The following FMN1 variants were observed in gnomAD, a reference collection of about 807,000 sequenced individuals.
The protein encoded by FMN1 is formin-1.
In FMN1, 110 loss-of-function variants were observed where a neutral mutation model predicts 132.4. That is an observed-to-expected ratio of 0.83 (90% CI 0.71 to 0.97). FMN1 has a LOEUF of 0.97. Ranked by LOEUF, FMN1 falls within the 50% of genes least tolerant of loss-of-function variation. FMN1 has a pLI of 0.00. For synonymous variants in FMN1, 722 were observed against 651.7 expected (o/e 1.11, Z -1.64); for missense variants, 1,792 against 1,705.3 (o/e 1.05, Z -0.90).
chr15:33,128,752 A>T lies in FMN1; in HGVS notation c.1867+24296T>A, dbSNP rs551471056. ...TCTTAAAGGTGATGTGGTGAATTTTAAAGCCCTTAAAAGTGGTATGGACCC... is the reference window on the plus strand; with the variant it reads ...TCTTAAAGGTGATGTGGTGAATTTTTAAGCCCTTAAAAGTGGTATGGACCC... On this transcript the variant is annotated intron_variant, in intron 4 of 20. Transcript: ENST00000616417. Among the ~76,000 whole-genome samples the T allele has an allele frequency of 1.2e-4, 19 of 152,356 alleles. No homozygotes were observed. In the East Asian group the frequency reaches 3.5e-3, roughly 28 times the overall value.
intron 7 of FMN1, among the ~76,000 whole-genome samples, chr15:32,969,781 AAC>A (rs2031624865): frequency 2.0e-5 from 3 of 152,220 alleles, no homozygotes; most frequent in Admixed American, 1.3e-4. Flanking sequence ...TTGCATATCA[AAC>A]ACAAAACTTT....
intron 4 of FMN1, among the ~76,000 whole-genome samples, chr15:33,142,625 G>A (rs1327828131): frequency 6.6e-6 from 1 of 152,134 alleles, no homozygotes; most frequent in African/African-American, 2.4e-5. Context: ...AATTTTTTCA[G>A]CATATTAATA....
intron 12 of FMN1, among the ~76,000 whole-genome samples, chr15:32,906,445 T>C (rs1289258298): frequency 6.6e-6 from 1 of 152,268 alleles, no homozygotes; most frequent in Non-Finnish European, 1.5e-5. Context: ...ATACTGCCTG[T>C]GGTTGCTTTG....
chr15:33,171,669 G>A (rs114864365), intron 3 of FMN1, among the ~76,000 whole-genome samples: 3,329 of 152,100 alleles, frequency 0.022, 134 homozygotes, highest in African/African-American at 0.076. Context: ...AATGTTGGGA[G>A]GTAGGATACA....
chr15:33,149,638 C>T (rs1964366430), intron 4 of FMN1: 1 of 249,460 alleles, frequency 4.0e-6, no homozygotes, highest in Non-Finnish European at 6.3e-6. Context: ...CAACTTAATT[C>T]CTGTATTTGT....
intron 4 of FMN1, among the ~76,000 whole-genome samples, chr15:33,112,075 T>C (rs1268700021): frequency 6.6e-6 from 1 of 152,180 alleles, no homozygotes; most frequent in Non-Finnish European, 1.5e-5. Context: ...TTTTTACAAT[T>C]TCATGTCTAT....
chr15:33,121,510 AT>A (rs1368598420), intron 4 of FMN1, among the ~76,000 whole-genome samples: 4 of 152,120 alleles, frequency 2.6e-5, no homozygotes, highest in African/African-American at 9.7e-5. Context: ...AGTAAAGTAC[AT>A]AGTTGACAAG....
intron 4 of FMN1, among the ~76,000 whole-genome samples, chr15:33,089,384 C>G (rs2038824058): frequency 6.6e-6 from 1 of 152,216 alleles, no homozygotes; most frequent in Non-Finnish European, 1.5e-5. Flanking sequence ...GGAACTGTGC[C>G]TTGTTCATCT....
rs1292679158 is a variant in FMN1 at position 32,882,351 on chromosome 15, T to C, written c.3835+5821A>G. On this transcript the variant is annotated intron_variant, in intron 16 of 20. Coordinates refer to ENST00000616417, the MANE Select transcript of FMN1 (RefSeq NM_001277313.2). ...CACTTCCTTACTGTAACAACACAGG[T>C]AATAACACTTACTTTGAAGGAGTTT... is the stretch of plus-strand genomic sequence containing the variant. Among the ~76,000 whole-genome samples the C allele has an allele frequency of 2.6e-5, 4 of 152,204 alleles. No homozygotes were observed. In the East Asian group the frequency reaches 7.7e-4, roughly 29 times the overall value.
intron 6 of FMN1, among the ~76,000 whole-genome samples, chr15:33,017,630 C>CA (rs2140995406): frequency 6.6e-6 from 1 of 152,304 alleles, no homozygotes; most frequent in South Asian, 2.1e-4. Flanking sequence ...TTGTAACTGT[C>CA]AACCTTTCCT....
At chr15:32,936,688 A>G (rs2061280280) in intron 9 of FMN1, among the ~76,000 whole-genome samples, 1 of 151,934 alleles carries the variant, frequency 6.6e-6, no homozygotes, top group Non-Finnish European at 1.5e-5. Flanking sequence ...AGAAAGAAGG[A>G]AGGAAGGAGA....
rs935197486 is a variant in FMN1 at position 33,188,105 on chromosome 15, C to A, written c.-197+5804G>T. Among the ~76,000 whole-genome samples, 3 of 151,864 alleles carry A rather than the reference C, an allele frequency of 2.0e-5. No individual in the cohort carries two copies. In the East Asian group the frequency reaches 5.8e-4, roughly 29 times the overall value. On this transcript the variant is annotated intron_variant, in intron 2 of 20. Transcript: ENST00000616417. ...ATCCCAGCACTTTGGGAGGCCGAGGCGGGCAGATCACAAGGTCAGGAGTTC... is the reference window on the plus strand; with the variant it reads ...ATCCCAGCACTTTGGGAGGCCGAGGAGGGCAGATCACAAGGTCAGGAGTTC...
At chr15:32,776,752 T>C in intron 20 of FMN1, 83 bp downstream of exon 20, 4 of 755,914 alleles carry the variant, frequency 5.3e-6, no homozygotes, top group Non-Finnish European at 4.5e-6. Flanking sequence ...GGATACTATG[T>C]TTCATCTCTG....
intron 4 of FMN1, among the ~76,000 whole-genome samples, chr15:33,110,630 A>G (rs1157166220): frequency 6.6e-6 from 1 of 151,836 alleles, no homozygotes; most frequent in Non-Finnish European, 1.5e-5. Context: ...CGCCCCTCAC[A>G]TTGACGCTTC....
intron 18 of FMN1, among the ~76,000 whole-genome samples, chr15:32,802,644 C>T (rs1164369296): frequency 6.6e-6 from 1 of 152,210 alleles, no homozygotes; most frequent in Non-Finnish European, 1.5e-5. Flanking sequence ...TAATGCACGG[C>T]AGCAGTTTCG....
chr15:32,901,706 C>T (rs1352006972), intron 13 of FMN1, among the ~76,000 whole-genome samples: 2 of 152,016 alleles, frequency 1.3e-5, no homozygotes, highest in Non-Finnish European at 1.5e-5. Flanking sequence ...TTCCCTCCTT[C>T]TCCCTCTTCA....
intron 7 of FMN1, among the ~76,000 whole-genome samples, chr15:32,981,543 A>T (rs1823462): frequency 0.14 from 19,973 of 138,036 alleles, 1,547 homozygotes; most frequent in Non-Finnish European, 0.17. Flanking sequence ...TAATAATAAT[A>T]ATTATTATTA....
intron 15 of FMN1, among the ~76,000 whole-genome samples, chr15:32,896,952 G>C (rs564351742): frequency 1.3e-5 from 2 of 152,170 alleles, no homozygotes; most frequent in East Asian, 3.9e-4. Flanking sequence ...CTGATCATAT[G>C]GTAGTTCTAT....
At chr15:33,017,535 A>G (rs2035128264) in intron 6 of FMN1, among the ~76,000 whole-genome samples, 1 of 152,230 alleles carries the variant, frequency 6.6e-6, no homozygotes, top group Non-Finnish European at 1.5e-5. Context: ...ATGTTGTTCA[A>G]TAACTTACAG....
Sources: gnomAD v4.1 joint callset for allele counts (sites outside exome capture counted in the v4.1 genomes callset) on GRCh38, gnomAD v4.1.1 for gene constraint, MANE v1.5 for transcripts, NCBI Gene and HGNC (gene_info 2026-07-23, HGNC 2026-07-21) for gene names.